The following CAP2 variants were observed in gnomAD, a reference collection of about 807,000 sequenced individuals.
CAP2 encodes cyclase associated actin cytoskeleton regulatory protein 2, also known as adenylyl cyclase-associated protein 2.
A neutral mutation model predicts 57.7 loss-of-function variants in CAP2; 24 were observed. The observed-to-expected ratio is 0.42, with a 90% confidence interval of 0.30 to 0.58. CAP2 has a LOEUF of 0.58. Among genes scored for constraint, CAP2 ranks in the 20% least tolerant of loss-of-function variants. The pLI is 0.22. For synonymous variants in CAP2, 194 were observed against 207.2 expected (o/e 0.94, Z 0.55); for missense variants, 501 against 590.3 (o/e 0.85, Z 1.57).
intron 4 of CAP2, among the ~76,000 whole-genome samples, chr6:17,488,897 C>G (rs1291645396): frequency 6.6e-6 from 1 of 152,124 alleles, no homozygotes; most frequent in Non-Finnish European, 1.5e-5. Context: ...GGTGGATATT[C>G]TCTCAGTTAA....
intron 3 of CAP2, among the ~76,000 whole-genome samples, chr6:17,452,024 T>A (rs1279154957): frequency 6.6e-6 from 1 of 152,212 alleles, no homozygotes; most frequent in African/African-American, 2.4e-5. Context: ...AGGACATTAT[T>A]TGAAAGTCTA....
chr6:17,458,886 C>CAAAAAA (rs397779120), intron 3 of CAP2, among the ~76,000 whole-genome samples: 13 of 110,290 alleles, frequency 1.2e-4, no homozygotes, highest in African/African-American at 3.6e-4. Context: ...CACAAAGGAG[C>CAAAAAA]AAAAAAAAAA....
chr6:17,424,801 T>C (rs1298685790), intron 2 of CAP2, among the ~76,000 whole-genome samples: 1 of 152,206 alleles, frequency 6.6e-6, no homozygotes, highest in African/African-American at 2.4e-5. Context: ...ATATTCCCTT[T>C]TATCATTGTA....
At chr6:17,463,115 G>A (rs764499873) in intron 4 of CAP2, 42 bp downstream of exon 4, 34 of 1,400,896 alleles carry the variant, frequency 2.4e-5, no homozygotes, top group Admixed American at 1.7e-4. Flanking sequence ...CAGGGTATGC[G>A]CAGTGTAAGA....
chr6:17,545,463 C>T (rs1360896149), intron 11 of CAP2, among the ~76,000 whole-genome samples: 1 of 151,900 alleles, frequency 6.6e-6, no homozygotes, highest in Non-Finnish European at 1.5e-5. Flanking sequence ...CAAGAAGAAA[C>T]AGAGGAAATT....
chr6:17,436,764 A>G (rs887068704), intron 3 of CAP2, among the ~76,000 whole-genome samples: 8 of 152,024 alleles, frequency 5.3e-5, no homozygotes, highest in African/African-American at 1.9e-4. Flanking sequence ...GATGCCATCT[A>G]TGTCAGGGGT....
intron 7 of CAP2, among the ~76,000 whole-genome samples, chr6:17,532,763 A>AC (rs1491556967): frequency 1.5e-3 from 175 of 117,784 alleles, no homozygotes; most frequent in Admixed American, 3.9e-3. Flanking sequence ...ACACACACAC[A>AC]AAAAAAACTG....
At chr6:17,535,849 G>A (rs553574678) in intron 7 of CAP2, among the ~76,000 whole-genome samples, 17 of 152,176 alleles carry the variant, frequency 1.1e-4, no homozygotes, top group African/African-American at 4.1e-4. Context: ...ACCTAGGGAA[G>A]GTCCAAAAAT....
At chr6:17,483,008 T>C (rs1448133240) in intron 4 of CAP2, among the ~76,000 whole-genome samples, 1 of 152,248 alleles carries the variant, frequency 6.6e-6, no homozygotes, top group Non-Finnish European at 1.5e-5. Context: ...TATTCCTCTG[T>C]ACCAATAACT....
chr6:17,471,622 G>A (rs1272723277), intron 4 of CAP2, among the ~76,000 whole-genome samples: 1 of 152,090 alleles, frequency 6.6e-6, no homozygotes, highest in Non-Finnish European at 1.5e-5. Context: ...CGCGAGGTCA[G>A]GAGATCGAGA....
At chr6:17,412,104 C>T (rs983536178) in intron 1 of CAP2, among the ~76,000 whole-genome samples, 1 of 152,094 alleles carries the variant, frequency 6.6e-6, no homozygotes, top group Non-Finnish European at 1.5e-5. Context: ...CCCCATCACC[C>T]CAAGTCAGTG....
chr6:17,444,813 C>T (rs977010072), intron 3 of CAP2, among the ~76,000 whole-genome samples: 3 of 146,092 alleles, frequency 2.1e-5, no homozygotes, highest in African/African-American at 7.6e-5. Context: ...TCCACACACA[C>T]ACACACACAC....
intron 3 of CAP2, among the ~76,000 whole-genome samples, chr6:17,433,051 AG>A (rs1365813311): frequency 6.7e-6 from 1 of 148,688 alleles, no homozygotes; most frequent in African/African-American, 2.5e-5. Flanking sequence ...TAGAGAGGCT[AG>A]GTGATGTGCG....
At chr6:17,424,894 T>A (rs1275586793) in intron 2 of CAP2, among the ~76,000 whole-genome samples, 1 of 152,250 alleles carries the variant, frequency 6.6e-6, no homozygotes, top group African/African-American at 2.4e-5. Flanking sequence ...CGCTCGGGCC[T>A]CTTCCATAGC....
intron 4 of CAP2, among the ~76,000 whole-genome samples, chr6:17,489,355 C>T (rs1761495134): frequency 6.6e-6 from 1 of 152,190 alleles, no homozygotes; most frequent in Admixed American, 6.5e-5. Flanking sequence ...TTGCTTGAGC[C>T]TGGTAGGCGG....
chr6:17,494,406 C>T (rs1410164098), intron 4 of CAP2, among the ~76,000 whole-genome samples: 1 of 152,116 alleles, frequency 6.6e-6, no homozygotes, highest in Non-Finnish European at 1.5e-5. Context: ...GAGGCACATT[C>T]CTACCTCATG....
At chr6:17,464,886 G>C (rs1431070514) in intron 4 of CAP2, among the ~76,000 whole-genome samples, 2 of 152,162 alleles carry the variant, frequency 1.3e-5, no homozygotes, top group Non-Finnish European at 2.9e-5. Context: ...GAGGAGAGGT[G>C]GTCCAATTGA....
At chr6:17,405,700 T>A (rs987120551) in intron 1 of CAP2, among the ~76,000 whole-genome samples, 2 of 152,172 alleles carry the variant, frequency 1.3e-5, no homozygotes, top group African/African-American at 4.8e-5. Context: ...TCTTTTGTTT[T>A]GTTTATTTAT....
At chr6:17,543,006 C>T in intron 10 of CAP2, 46 bp downstream of exon 10, 3 of 1,612,080 alleles carry the variant, frequency 1.9e-6, no homozygotes, top group Non-Finnish European at 2.5e-6. Context: ...GTTTTATAAA[C>T]AAGCTGTATG....
Sources: gnomAD v4.1 joint callset for allele counts (sites outside exome capture counted in the v4.1 genomes callset) on GRCh38, gnomAD v4.1.1 for gene constraint, MANE v1.5 for transcripts, NCBI Gene and HGNC (gene_info 2026-07-23, HGNC 2026-07-21) for gene names.